CROCC2: variants seen among roughly 807,000 people sequenced by gnomAD.
The protein encoded by CROCC2 is ciliary rootlet coiled-coil protein 2.
In CROCC2, 163 loss-of-function variants were observed where a neutral mutation model predicts 177.6. The ratio of observed to expected loss-of-function variants is 0.92; its 90% CI spans 0.81 to 1.05. The LOEUF (loss-of-function observed/expected upper bound fraction) is 1.05, where lower values mean the gene tolerates loss of function less well. CROCC2 is among the 50% of genes least tolerant of loss of function. The pLI is 0.00. For synonymous variants in CROCC2, 904 were observed against 787.3 expected (o/e 1.15, Z -2.48); for missense variants, 1,929 against 1,797.8 (o/e 1.07, Z -1.32).
In CROCC2 at chr2:240,991,253, C is replaced by T. The variant is rs1305199810; in HGVS notation, c.4921C>T (p.Leu1641Phe). The change falls in exon 31 of 32, where the codon CTC becomes TTC. Residue 1641 changes from leucine (L) to phenylalanine (F), a missense_variant. Around this residue, in one of 3 missense-constraint regions of CROCC2, gnomAD observed 388 missense variants for 352.7 expected, o/e 1.10. Coordinates refer to ENST00000690015, the MANE Select transcript of CROCC2 (RefSeq NM_001351305.2). ...AGTGCAGTGGCGGCAACAGGCCCACCTCGGCCAGGCCTTCCAGACAGGACA... is the reference window on the plus strand; with the variant it reads ...AGTGCAGTGGCGGCAACAGGCCCACTTCGGCCAGGCCTTCCAGACAGGACA... ...QEVQWRQQAHLGQAFQTGHAQ... is the reference protein window; with the variant it reads ...QEVQWRQQAHFGQAFQTGHAQ... 1.9e-6 allele frequency: 3 copies of T among 1,548,736 alleles called. No homozygotes were observed. The highest frequency in any genetic ancestry group is 2.6e-6 in the Non-Finnish European group (3 of 1,146,066).
intron 31 of CROCC2, among the ~76,000 whole-genome samples, chr2:240,991,567 C>T (rs2059879832): frequency 1.3e-5 from 2 of 152,244 alleles, no homozygotes; most frequent in Non-Finnish European, 2.9e-5. Context: ...CTCCTCCCAC[C>T]CCTGGAGACT....
intron 25 of CROCC2, 91 bp from the exon 26 acceptor site, chr2:240,967,254 C>T (rs12988969): frequency 3.8e-5 from 20 of 528,592 alleles, no homozygotes; most frequent in Admixed American, 2.9e-4. Context: ...AGACCGTGAG[C>T]GGCCCCAGCT....
In CROCC2 at chr2:240,940,076, G is replaced by GT. The variant is rs530965879; in HGVS notation, c.2169+4495dup. Among the ~76,000 whole-genome samples the GT allele has an allele frequency of 1.2e-3, 184 of 152,096 alleles. 1 individual carries two copies. The highest frequency in any genetic ancestry group is 4.3e-3 in the African/African-American group (177 of 41,508). On this transcript the variant is annotated intron_variant, in intron 14 of 31. Coordinates refer to ENST00000690015, the MANE Select transcript of CROCC2 (RefSeq NM_001351305.2). Reference sequence around the variant, plus strand: ...TTAAATCTTCTAAGTCCTTACTGGGGTTTTTTTGTGTGTTGATTTATTTCT... The same window carrying GT: ...TTAAATCTTCTAAGTCCTTACTGGGGTTTTTTTTGTGTGTTGATTTATTTCT...
At position 240,958,123 on chromosome 2, in the gene CROCC2, T is replaced by C. The variant is rs74001706; in HGVS notation, c.2944-1178T>C. On this transcript the variant is annotated intron_variant, in intron 19 of 31. Coordinates refer to ENST00000690015, the MANE Select transcript of CROCC2 (RefSeq NM_001351305.2). The surrounding 1 kb of genome is among the most constrained non-coding windows in gnomAD (Gnocchi z 6.7). ...CTCAGAAAATGGAAATTAAAACTGTTGAGAGGAGCGGGAGGAGAGGAATGC... is the reference window on the plus strand; with the variant it reads ...CTCAGAAAATGGAAATTAAAACTGTCGAGAGGAGCGGGAGGAGAGGAATGC... 3.2e-3 allele frequency: 3,188 copies of C among 985,328 alleles called. 71 individuals are homozygous for C. In the African/African-American group the frequency reaches 0.051, roughly 16 times the overall value. 61.0% of individuals were successfully genotyped at this position (985,328 alleles called of 1,614,324 possible). A position where few individuals can be genotyped will look rare whatever the true frequency, so the allele number is the denominator to read the frequency against.
intron 18 of CROCC2, among the ~76,000 whole-genome samples, chr2:240,951,666 A>G (rs1375690847): frequency 6.6e-6 from 1 of 150,896 alleles, no homozygotes; most frequent in Non-Finnish European, 1.5e-5. Context: ...ACAGCTATCC[A>G]CAACCCATCT....
At position 240,973,980 on chromosome 2, in the gene CROCC2, G is replaced by C. The variant is rs186438471; in HGVS notation, c.4401+5718G>C. ...CTTTCCAATCTCTTTTCTGTCAAGG[G>C]TCTGCTTTCGTTTTCCATTTCTTCT... is the stretch of plus-strand genomic sequence containing the variant. On this transcript the variant is annotated intron_variant, in intron 27 of 31. Transcript: ENST00000690015. The surrounding 1 kb of genome is among the most constrained non-coding windows in gnomAD (Gnocchi z 4.7). Among the ~76,000 whole-genome samples the C allele has an allele frequency of 5.3e-5, 8 of 152,218 alleles. No individual in the cohort carries two copies. Among genetic ancestry groups the C allele is most frequent in the Non-Finnish European group, 1.0e-4 (7 of 68,018 alleles).
intron 20 of CROCC2, among the ~76,000 whole-genome samples, chr2:240,962,408 C>T (rs957459648): frequency 6.6e-5 from 10 of 152,136 alleles, no homozygotes; most frequent in Non-Finnish European, 1.0e-4. Flanking sequence ...GGCCCTTTTG[C>T]TGGTCCTTGA....
intron 1 of CROCC2, among the ~76,000 whole-genome samples, chr2:240,910,968 T>C (rs2059283666): frequency 6.6e-6 from 1 of 151,918 alleles, no homozygotes; most frequent in Admixed American, 6.6e-5. Flanking sequence ...CCGTCTCTAC[T>C]GAAAATACAA....
Position 240,906,565 on chromosome 2 carries a change from C to T in CROCC2, c.52C>T (p.Leu18=). 2.5e-6 allele frequency: 1 copy of T among 399,202 alleles called. No individual in the cohort carries two copies. The highest frequency in any genetic ancestry group is 3.6e-5 in the East Asian group (1 of 28,074). 24.7% of individuals were successfully genotyped at this position (399,202 alleles called of 1,614,324 possible). A position where few individuals can be genotyped will look rare whatever the true frequency, so the allele number is the denominator to read the frequency against. Residue 18 remains leucine, a synonymous_variant, in exon 1 of 32, where the codon CTA becomes TTA. Coordinates refer to ENST00000690015, the MANE Select transcript of CROCC2 (RefSeq NM_001351305.2). ...PGNGDASQQP[L]LGLDTVIQRL... ...CAATGGGGACGCCTCCCAACAGCCC[C>T]TACTGGGGCTGGACACCGTGATCCA... is the stretch of plus-strand genomic sequence containing the variant.
intron 2 of CROCC2, among the ~76,000 whole-genome samples, chr2:240,919,654 C>G (rs775340669): frequency 2.1e-4 from 32 of 152,162 alleles, no homozygotes; most frequent in Non-Finnish European, 4.3e-4. Context: ...GGGCTCACAA[C>G]TTCATAGACA....
chr2:240,945,202 C>T (rs576119778), intron 14 of CROCC2, among the ~76,000 whole-genome samples: 6 of 152,332 alleles, frequency 3.9e-5, no homozygotes, highest in African/African-American at 1.2e-4. Context: ...TCCCAAAGTG[C>T]TGGGATTATA....
rs570038774 is a variant in CROCC2 at position 240,987,984 on chromosome 2, C to T, written c.4552-755C>T. On this transcript the variant is annotated intron_variant, in intron 28 of 31. Coordinates refer to ENST00000690015, the MANE Select transcript of CROCC2 (RefSeq NM_001351305.2). ...AAGCAGGCTGTCTGGGGCTGGTGGA[C>T]GGTGTTCCTCTCCCAGTGCTGCTCT... 6.5e-4 allele frequency among the ~76,000 whole-genome samples: 99 copies of T among 152,356 alleles called. No individual in the cohort carries two copies. In the Middle Eastern group the frequency reaches 0.01, roughly 16 times the overall value.
chr2:240,989,236 G>C (rs920454054), intron 29 of CROCC2, among the ~76,000 whole-genome samples: 3 of 152,160 alleles, frequency 2.0e-5, no homozygotes, highest in Non-Finnish European at 2.9e-5. Flanking sequence ...CTGAGGCCTA[G>C]GGGCCTGACA....
Position 240,973,498 on chromosome 2 carries a change from G to A in CROCC2, c.4401+5236G>A, listed in dbSNP as rs1179508233. Among the ~76,000 whole-genome samples, 2 of 152,120 alleles carry A rather than the reference G, an allele frequency of 1.3e-5. No individual in the cohort carries two copies. The highest frequency in any genetic ancestry group is 2.4e-5 in the African/African-American group (1 of 41,400). ...GCTCAGGGAAGCTCACGGCGTTCTTGGACTCTTGCCCAGGCCTCCTTCCCC... is the reference window on the plus strand; with the variant it reads ...GCTCAGGGAAGCTCACGGCGTTCTTAGACTCTTGCCCAGGCCTCCTTCCCC... On this transcript the variant is annotated intron_variant, in intron 27 of 31. Transcript: ENST00000690015. The surrounding 1 kb of genome is among the most constrained non-coding windows in gnomAD (Gnocchi z 4.7).
chr2:240,967,943 A>C (rs1325164618), intron 26 of CROCC2, among the ~76,000 whole-genome samples, 186 bp from the exon 27 acceptor site: 3 of 152,028 alleles, frequency 2.0e-5, no homozygotes, highest in African/African-American at 7.2e-5. Context: ...ATTAAAGGAA[A>C]GAGGCAGGAG....
intron 19 of CROCC2, 70 bp from the exon 20 acceptor site, chr2:240,959,231 T>C: frequency 2.6e-6 from 4 of 1,514,370 alleles, no homozygotes; most frequent in East Asian, 2.5e-5. Flanking sequence ...TCCAGGGTCC[T>C]GGCCTTACCT....
intron 19 of CROCC2, among the ~76,000 whole-genome samples, chr2:240,956,761 G>C (rs1367666619): frequency 6.6e-6 from 1 of 152,210 alleles, no homozygotes; most frequent in African/African-American, 2.4e-5. Flanking sequence ...CATGGGCAAG[G>C]CTGGACACCC....
chr2:240,990,318 C>A (rs753062866), intron 30 of CROCC2, among the ~76,000 whole-genome samples: 1 of 152,142 alleles, frequency 6.6e-6, no homozygotes, highest in Non-Finnish European at 1.5e-5. Flanking sequence ...AAGCCTTGGG[C>A]GTGTGTGTGC....
At chr2:240,913,954 C>A (rs563398226) in intron 1 of CROCC2, among the ~76,000 whole-genome samples, 105 of 152,382 alleles carry the variant, frequency 6.9e-4, no homozygotes, top group Admixed American at 2.4e-3. Context: ...GCTGTGCCTG[C>A]TCCTGGCAAG....
Sources: gnomAD v4.1 joint callset for allele counts (sites outside exome capture counted in the v4.1 genomes callset) on GRCh38, gnomAD v4.1.1 for gene constraint, gnomAD v4.1.1 regional missense constraint, Gnocchi (gnomAD v3.1) non-coding constraint, MANE v1.5 for transcripts, NCBI Gene and HGNC (gene_info 2026-07-23, HGNC 2026-07-21) for gene names.